The following TMEM44 variants were observed in gnomAD, a reference collection of about 807,000 sequenced individuals.
TMEM44 encodes transmembrane protein 44.
A neutral mutation model predicts 47.8 loss-of-function variants in TMEM44; 43 were observed. The ratio of observed to expected loss-of-function variants is 0.90; its 90% CI spans 0.70 to 1.16. The LOEUF is 1.16. TMEM44 is among the 50% of genes most tolerant of loss of function. The pLI is 0.00. For missense variants in TMEM44, 568 were observed against 555.2 expected, an observed-to-expected ratio of 1.02 and a Z score of -0.23; for synonymous variants, 277 against 238.8, an observed-to-expected ratio of 1.16 and a Z score of -1.48.
intron 7 of TMEM44, among the ~76,000 whole-genome samples, chr3:194,615,003 A>G (rs1715722858): frequency 1.3e-5 from 2 of 152,228 alleles, no homozygotes; most frequent in East Asian, 3.9e-4. Context: ...TTGGGAGGCC[A>G]AGGTGGGCAG....
chr3:194,623,087 C>T (rs954654612), intron 5 of TMEM44, 137 bp downstream of exon 5: 12 of 809,308 alleles, frequency 1.5e-5, no homozygotes, highest in Admixed American at 6.4e-5. Context: ...CACACTAACG[C>T]TCTTCAGGAA....
rs1417250649 is a variant in TMEM44 at position 194,588,509 on chromosome 3, T to C, written c.*20A>G. 6.2e-7 allele frequency: 1 copy of C among 1,610,270 alleles called. No individual in the cohort carries two copies. The highest frequency in any genetic ancestry group is 1.7e-5 in the Admixed American group (1 of 60,008). ...CTCCTGACCCTGGGCTCTGAGCTGATGAGCTGGCTCCAGAAGGTGTTAATC... is the reference window on the plus strand; with the variant it reads ...CTCCTGACCCTGGGCTCTGAGCTGACGAGCTGGCTCCAGAAGGTGTTAATC... On this transcript the variant is annotated 3_prime_UTR_variant, in exon 10 of 10. Coordinates refer to ENST00000347147, the MANE Select transcript of TMEM44 (RefSeq NM_001011655.3).
At chr3:194,632,908 C>T in intron 1 of TMEM44, 171 bp downstream of exon 1, 2 of 1,080,164 alleles carry the variant, frequency 1.9e-6, no homozygotes, top group African/African-American at 3.3e-5. Context: ...GCGTGGGATC[C>T]GGAAAGAAGA....
intron 6 of TMEM44, chr3:194,616,869 T>C: frequency 1.8e-6 from 1 of 563,328 alleles, no homozygotes; most frequent in East Asian, 3.2e-5. Context: ...CACTCCAGCC[T>C]GGGCAACACA....
At chr3:194,600,124 C>G (rs1713907587) in intron 9 of TMEM44, among the ~76,000 whole-genome samples, 3 of 149,694 alleles carry the variant, frequency 2.0e-5, no homozygotes, top group Non-Finnish European at 4.5e-5. Flanking sequence ...CAGGGTCTCA[C>G]TCTGATGCCC....
chr3:194,594,149 A>ATCTGTCTGTCTG (rs1184806177), intron 9 of TMEM44, among the ~76,000 whole-genome samples: 1 of 98,670 alleles, frequency 1.0e-5, no homozygotes, highest in African/African-American at 2.9e-5. Flanking sequence ...CTATCTATCT[A>ATCTGTCTGTCTG]TCTATCTATC....
At position 194,624,002 on chromosome 3, in the gene TMEM44, T is replaced by C. The variant is rs371488986; in HGVS notation, c.359-307A>G. On this transcript the variant is annotated intron_variant, in intron 3 of 9. Coordinates refer to ENST00000347147, the MANE Select transcript of TMEM44 (RefSeq NM_001011655.3). ...GCAGACAGCAGTGCCTCTTCTGGACTAGAGCGCCTAAGGATAAGGCACCAT... is the reference window on the plus strand; with the variant it reads ...GCAGACAGCAGTGCCTCTTCTGGACCAGAGCGCCTAAGGATAAGGCACCAT... Among the ~76,000 whole-genome samples, 14 of 152,302 alleles carry C rather than the reference T, an allele frequency of 9.2e-5. No homozygotes were observed. In the South Asian group the frequency reaches 2.5e-3, roughly 27 times the overall value.
At chr3:194,592,667 G>C (rs1712911573) in intron 9 of TMEM44, among the ~76,000 whole-genome samples, 1 of 151,772 alleles carries the variant, frequency 6.6e-6, no homozygotes, top group African/African-American at 2.4e-5. Flanking sequence ...CCAGGCTGGA[G>C]TGCAATGGTG....
intron 9 of TMEM44, chr3:194,588,978 T>C (rs1001173978): frequency 3.1e-5 from 8 of 260,954 alleles, no homozygotes; most frequent in Non-Finnish European, 5.2e-5. Context: ...AACTCATTCC[T>C]GGAAAAAACC....
chr3:194,606,254 G>T (rs1473841333), intron 8 of TMEM44, among the ~76,000 whole-genome samples: 1 of 152,124 alleles, frequency 6.6e-6, no homozygotes, highest in Non-Finnish European at 1.5e-5. Flanking sequence ...TGCTCCCGCT[G>T]CGTCTCCTGG....
chr3:194,622,391 TGAG>T (rs1716641865), intron 5 of TMEM44, among the ~76,000 whole-genome samples: 1 of 152,006 alleles, frequency 6.6e-6, no homozygotes, highest in African/African-American at 2.4e-5. Context: ...TCTTGAAGCG[TGAG>T]GAGATGCTGC....
intron 5 of TMEM44, chr3:194,622,602 T>C (rs183433164): frequency 6.8e-6 from 1 of 147,716 alleles, no homozygotes. Flanking sequence ...CAGGCTGGAG[T>C]GCAGTGGCAC....
chr3:194,604,496 T>C, intron 8 of TMEM44, 51 bp from the exon 9 acceptor site: 1 of 1,456,030 alleles, frequency 6.9e-7, no homozygotes, highest in African/African-American at 1.4e-5. Context: ...TTAGTTTTGA[T>C]GGTTGAATTG....
At chr3:194,589,785 TG>T (rs34543530) in intron 9 of TMEM44, 1 of 152,130 alleles carries the variant, frequency 6.6e-6, no homozygotes, top group South Asian at 2.1e-4. Flanking sequence ...GTTCCAGCCA[TG>T]GAGGCAAGTA....
intron 9 of TMEM44, among the ~76,000 whole-genome samples, chr3:194,592,719 G>A (rs1191779849): frequency 6.6e-6 from 1 of 151,922 alleles, no homozygotes; most frequent in East Asian, 1.9e-4. Context: ...AGGTTCAAGC[G>A]ATTCACTTGC....
In TMEM44 at chr3:194,617,121, C is replaced by A. The variant is rs969746132; in HGVS notation, c.761G>T (p.Gly254Val). The change falls in exon 6 of 10, where the codon GGC becomes GTC. Residue 254 changes from glycine (G) to valine (V), a missense_variant. Transcript: ENST00000347147. ...RATPWFLTSL[G>V]RAALDLAIIF... is the part of the protein sequence containing the mutation. ...TACAGCGAGGTCCAGTGCCGCACGG[C>A]CGAGGGAGGTCAGGAACCAGGGTGT... The A allele has an allele frequency of 6.4e-7, 1 of 1,554,414 alleles. No homozygotes were observed. Among genetic ancestry groups the A allele is most frequent in the Non-Finnish European group, 8.7e-7 (1 of 1,150,072 alleles).
chr3:194,611,095 T>A lies in TMEM44; in HGVS notation c.913-75A>T. ...GGCATTTTCTAAAAACAAGGTCACA[T>A]TTTATTCAAAAGGACCCCCGTGGTA... On this transcript the variant is annotated intron_variant, in intron 7 of 9. Coordinates refer to ENST00000347147, the MANE Select transcript of TMEM44 (RefSeq NM_001011655.3). This position sits in a 1 kb window ranked among gnomAD's most constrained non-coding sequence, Gnocchi z 4.2. 7.9e-7 allele frequency: 1 copy of A among 1,272,500 alleles called. No individual in the cohort carries two copies. Among genetic ancestry groups the A allele is most frequent in the Non-Finnish European group, 1.1e-6 (1 of 882,560 alleles). The allele number at this position is 1,272,500 out of a possible 1,614,324, so 78.8% of individuals were successfully genotyped here.
At chr3:194,615,811 C>A in intron 6 of TMEM44, 114 bp from the exon 7 acceptor site, 1 of 1,392,132 alleles carries the variant, frequency 7.2e-7, no homozygotes, top group Non-Finnish European at 9.9e-7. Flanking sequence ...TCTCCTCCCT[C>A]CCCTGTATTA....
intron 4 of TMEM44, 58 bp downstream of exon 4, chr3:194,623,471 T>C: frequency 6.5e-7 from 1 of 1,529,270 alleles, no homozygotes; most frequent in Admixed American, 2.1e-5. Flanking sequence ...CATCCCACCC[T>C]GGGCATTTGG....
Sources: gnomAD v4.1 joint callset for allele counts (sites outside exome capture counted in the v4.1 genomes callset) on GRCh38, gnomAD v4.1.1 for gene constraint, Gnocchi (gnomAD v3.1) non-coding constraint, MANE v1.5 for transcripts, NCBI Gene and HGNC (gene_info 2026-07-23, HGNC 2026-07-21) for gene names.